Variants in SLC38A9 observed in about 807,000 individuals in gnomAD.
SLC38A9 encodes neutral amino acid transporter 9.
A neutral mutation model predicts 62.3 loss-of-function variants in SLC38A9; 48 were observed. That is an observed-to-expected ratio of 0.77 (90% CI 0.61 to 0.98). SLC38A9 has a LOEUF of 0.98. Ranked by LOEUF, SLC38A9 falls within the 50% of genes least tolerant of loss-of-function variation. The pLI is 0.00. For missense variants in SLC38A9, 541 were observed against 679.8 expected (o/e 0.80, Z 2.27); for synonymous variants, 204 against 227.7 (o/e 0.90, Z 0.94).
intron 11 of SLC38A9, 60 bp downstream of exon 11, chr5:55,649,147 A>T: frequency 1.2e-6 from 1 of 837,224 alleles, no homozygotes; most frequent in Non-Finnish European, 1.8e-6. Flanking sequence ...GTTTTAGAAT[A>T]GCATATGACA....
intron 3 of SLC38A9, chr5:55,693,054 G>T: frequency 1.1e-6 from 1 of 944,338 alleles, no homozygotes; most frequent in Non-Finnish European, 1.3e-6. Flanking sequence ...TTCATCTCTT[G>T]GATGAAGACC....
At chr5:55,692,553 T>G in intron 3 of SLC38A9, 13 of 869,300 alleles carry the variant, frequency 1.5e-5, no homozygotes, top group Non-Finnish European at 1.8e-5. Flanking sequence ...TTAGTACTGC[T>G]AAGTCTCTAT....
At chr5:55,666,279 T>C (rs940128422) in intron 7 of SLC38A9, among the ~76,000 whole-genome samples, 1 of 152,218 alleles carries the variant, frequency 6.6e-6, no homozygotes, top group Non-Finnish European at 1.5e-5. Flanking sequence ...GATAGGATTA[T>C]TATATTAGTA....
At chr5:55,674,580 G>A (rs1012484838) in intron 3 of SLC38A9, among the ~76,000 whole-genome samples, 1 of 152,036 alleles carries the variant, frequency 6.6e-6, no homozygotes, top group Non-Finnish European at 1.5e-5. Context: ...CCTACATGTG[G>A]GCCCTTTGAC....
intron 3 of SLC38A9, among the ~76,000 whole-genome samples, chr5:55,695,018 G>A (rs1029476025): frequency 2.6e-5 from 4 of 152,134 alleles, no homozygotes; most frequent in Non-Finnish European, 5.9e-5. Context: ...CTCCCAAAGT[G>A]TTGGGATTAC....
At chr5:55,690,276 G>A (rs1468556747) in intron 3 of SLC38A9, among the ~76,000 whole-genome samples, 1 of 152,072 alleles carries the variant, frequency 6.6e-6, no homozygotes, top group Non-Finnish European at 1.5e-5. Context: ...ACAGGTGTAA[G>A]CCACTGTGCC....
At chr5:55,699,487 A>G (rs1299872234) in intron 2 of SLC38A9, among the ~76,000 whole-genome samples, 1 of 152,234 alleles carries the variant, frequency 6.6e-6, no homozygotes, top group Non-Finnish European at 1.5e-5. Context: ...CCTGCTAACA[A>G]TCATTTAAAG....
intron 11 of SLC38A9, among the ~76,000 whole-genome samples, chr5:55,646,867 C>T (rs35949337): frequency 0.59 from 89,978 of 151,576 alleles, 27,343 homozygotes; most frequent in South Asian, 0.7. Context: ...ATTCCTATCT[C>T]AGCTTCCCTG....
At chr5:55,695,315 A>G (rs1384776639) in intron 3 of SLC38A9, among the ~76,000 whole-genome samples, 1 of 134,716 alleles carries the variant, frequency 7.4e-6, no homozygotes, top group Non-Finnish European at 1.6e-5. Flanking sequence ...TTTCTCACAG[A>G]GGGGGATTTG....
chr5:55,675,596 C>T (rs1751983941), intron 3 of SLC38A9, among the ~76,000 whole-genome samples: 1 of 152,050 alleles, frequency 6.6e-6, no homozygotes, highest in African/African-American at 2.4e-5. Context: ...ATTACTGCTC[C>T]CTATCAATGT....
At chr5:55,639,356 T>C (rs561769641) in intron 12 of SLC38A9, among the ~76,000 whole-genome samples, 163 of 151,820 alleles carry the variant, frequency 1.1e-3, no homozygotes, top group African/African-American at 3.8e-3. Context: ...AAAAAAAATG[T>C]ATGAAATGAA....
At chr5:55,674,248 C>A (rs1405686318) in intron 3 of SLC38A9, among the ~76,000 whole-genome samples, 1 of 152,092 alleles carries the variant, frequency 6.6e-6, no homozygotes, top group Non-Finnish European at 1.5e-5. Flanking sequence ...AAATAGAGCA[C>A]TTATAGAGCA....
chr5:55,691,297 A>G (rs921242204), intron 3 of SLC38A9: 11 of 1,515,266 alleles, frequency 7.3e-6, no homozygotes, highest in Admixed American at 2.0e-5. Context: ...AGAGCCCTGG[A>G]GGGAATAGGA....
intron 3 of SLC38A9, 57 bp from the exon 4 acceptor site, chr5:55,672,752 G>T: frequency 5.1e-6 from 8 of 1,560,856 alleles, no homozygotes; most frequent in Non-Finnish European, 7.0e-6. Flanking sequence ...CTGGAAGTCA[G>T]CCTTTGAAGA....
chr5:55,637,154 T>C (rs938086534), intron 12 of SLC38A9, among the ~76,000 whole-genome samples: 2 of 152,204 alleles, frequency 1.3e-5, no homozygotes, highest in Non-Finnish European at 2.9e-5. Flanking sequence ...GCAAAGCAGC[T>C]GGGCCTGAGA....
intron 1 of SLC38A9, among the ~76,000 whole-genome samples, chr5:55,711,821 G>A (rs1280397769): frequency 6.6e-6 from 1 of 152,094 alleles, no homozygotes; most frequent in Non-Finnish European, 1.5e-5. Context: ...GAGAAAGAAG[G>A]GTGCTCCCAT....
At chr5:55,687,028 A>G (rs947142479) in intron 3 of SLC38A9, among the ~76,000 whole-genome samples, 2 of 141,924 alleles carry the variant, frequency 1.4e-5, no homozygotes, top group African/African-American at 5.3e-5. Flanking sequence ...CTCCTGTAAT[A>G]TAATTTGAAG....
At chr5:55,632,293 C>T (rs1040865083) in intron 14 of SLC38A9, among the ~76,000 whole-genome samples, 12 of 152,048 alleles carry the variant, frequency 7.9e-5, no homozygotes. Context: ...AAAAAATTAG[C>T]CGGGCATGGT....
chr5:55,653,803 C>T (rs1323350942), intron 9 of SLC38A9, among the ~76,000 whole-genome samples: 1 of 151,974 alleles, frequency 6.6e-6, no homozygotes. Flanking sequence ...GGATTACAGG[C>T]GCATGCCACC....
Sources: allele counts gnomAD v4.1 joint callset (sites outside exome capture counted in the v4.1 genomes callset), GRCh38; gene constraint gnomAD v4.1.1; transcripts MANE v1.5; gene names NCBI Gene and HGNC (gene_info 2026-07-23, HGNC 2026-07-21).